NRG2: variants seen among roughly 807,000 people sequenced by gnomAD.
NRG2 encodes pro-neuregulin-2, membrane-bound isoform.
Under a neutral mutation model 73.9 loss-of-function variants are expected in NRG2, and 27 were observed. The ratio of observed to expected loss-of-function variants is 0.37; its 90% CI spans 0.27 to 0.50. NRG2 has a LOEUF of 0.50. Among genes scored for constraint, NRG2 ranks in the 20% least tolerant of loss-of-function variants. The probability of loss-of-function intolerance (pLI) is 0.96; values close to 1 mark genes in which losing one functional copy is unlikely to be tolerated. For synonymous variants in NRG2, 532 were observed against 541.0 expected, an observed-to-expected ratio of 0.98 and a Z score of 0.23; for missense variants, 1,126 against 1,210.1, an observed-to-expected ratio of 0.93 and a Z score of 1.03.
chr5:139,964,150 T>C (rs1755293729), intron 1 of NRG2, among the ~76,000 whole-genome samples: 1 of 152,092 alleles, frequency 6.6e-6, no homozygotes, highest in Admixed American at 6.6e-5. Flanking sequence ...TTCTCTTCCT[T>C]TAGAGCCAAG....
intron 1 of NRG2, among the ~76,000 whole-genome samples, chr5:139,964,392 G>A (rs1462367810): frequency 2.9e-5 from 4 of 137,532 alleles, no homozygotes; most frequent in East Asian, 4.1e-4. Context: ...ACACACACAC[G>A]GATGCCCATT....
chr5:139,938,839 T>A (rs147695695), intron 1 of NRG2, among the ~76,000 whole-genome samples: 39 of 117,600 alleles, frequency 3.3e-4, no homozygotes, highest in African/African-American at 1.2e-3. Flanking sequence ...GACAGTCATA[T>A]ACAGAAAGGG....
intron 1 of NRG2, among the ~76,000 whole-genome samples, chr5:140,005,558 A>G (rs1352953702): frequency 2.0e-5 from 3 of 152,118 alleles, no homozygotes; most frequent in South Asian, 2.1e-4. Context: ...ATACTTTCCA[A>G]TCCCCACAGT....
chr5:140,037,882 T>TG lies in NRG2; in HGVS notation c.700+4487dup, dbSNP rs369936221. On this transcript the variant is annotated intron_variant, in intron 1 of 9. Coordinates refer to ENST00000361474, the MANE Select transcript of NRG2 (RefSeq NM_004883.3). ...GAGAATGTGCCACTGCACTCTAGCC[T>TG]GGGCGACAGAGCAAGACTCCATCTC... 3.3e-3 allele frequency among the ~76,000 whole-genome samples: 403 copies of TG among 123,556 alleles called. 2 individuals carry two copies. The highest frequency in any genetic ancestry group is 0.012 in the African/African-American group (389 of 32,038). 81.1% of individuals were successfully genotyped at this position (123,556 alleles called of 152,430 possible).
intron 1 of NRG2, among the ~76,000 whole-genome samples, chr5:140,009,935 G>A (rs1221679430): frequency 6.6e-6 from 1 of 152,124 alleles, no homozygotes; most frequent in African/African-American, 2.4e-5. Context: ...AAAGATCAGT[G>A]GTTGCCAGGG....
Position 139,851,688 on chromosome 5 carries a change from T to G in NRG2, c.1688A>C (p.Tyr563Ser), listed in dbSNP as rs754535092. 6 of 1,614,052 alleles carry G rather than the reference T, an allele frequency of 3.7e-6. No homozygotes were observed. The highest frequency in any genetic ancestry group is 8.5e-7 in the Non-Finnish European group (1 of 1,180,034). Reference sequence around the variant, plus strand: ...GGCCCTGCGCCGCTCCTCCAGGTTGTAGGCTGCTGCCCGCCTTGCCCGGGC... The same window carrying G: ...GGCCCTGCGCCGCTCCTCCAGGTTGGAGGCTGCTGCCCGCCTTGCCCGGGC... ...VEARARRAAA[Y>S]NLEERRRATA... Residue 563 changes from tyrosine (Y) to serine (S), a missense_variant, in exon 9 of 10, where the codon TAC (tyrosine) becomes TCC (serine). Physicochemically the swap from Tyr to Ser is moderately radical, Grantham distance 144. Transcript: ENST00000361474. This position sits in a 1 kb window ranked among gnomAD's most constrained non-coding sequence, Gnocchi z 4.2.
intron 1 of NRG2, among the ~76,000 whole-genome samples, chr5:139,957,549 C>T (rs931374907): frequency 6.6e-6 from 1 of 152,108 alleles, no homozygotes; most frequent in Non-Finnish European, 1.5e-5. Flanking sequence ...ACTGGGAGTC[C>T]AGTGTTCTTT....
intron 1 of NRG2, among the ~76,000 whole-genome samples, chr5:139,960,515 AAAAC>A (rs1754981959): frequency 6.6e-6 from 1 of 152,200 alleles, no homozygotes; most frequent in Admixed American, 6.5e-5. Flanking sequence ...TCCATCTCAA[AAAAC>A]AAACAAACAA....
chr5:140,024,507 G>A (rs192900523), intron 1 of NRG2, among the ~76,000 whole-genome samples: 2,292 of 152,232 alleles, frequency 0.015, 32 homozygotes, highest in Non-Finnish European at 0.025. Context: ...CGCCCGCCTC[G>A]GCCTCCCAGA....
At chr5:139,905,652 G>A (rs1393575386) in intron 1 of NRG2, among the ~76,000 whole-genome samples, 3 of 150,356 alleles carry the variant, frequency 2.0e-5, no homozygotes, top group African/African-American at 7.4e-5. Flanking sequence ...ATCTTGGGGC[G>A]CAAGTCTGTC....
At chr5:140,027,839 A>G (rs1013169193) in intron 1 of NRG2, among the ~76,000 whole-genome samples, 1 of 152,210 alleles carries the variant, frequency 6.6e-6, no homozygotes, top group Admixed American at 6.5e-5. Context: ...ACAAGTAGGA[A>G]GCAGGCTGAG....
intron 1 of NRG2, among the ~76,000 whole-genome samples, chr5:139,895,368 G>T (rs1764481724): frequency 6.6e-6 from 1 of 152,258 alleles, no homozygotes; most frequent in South Asian, 2.1e-4. Context: ...TGAGGAGGTT[G>T]TCACCTATGT....
chr5:139,892,113 G>A (rs1448183955), intron 1 of NRG2, among the ~76,000 whole-genome samples: 3 of 152,200 alleles, frequency 2.0e-5, no homozygotes, highest in Non-Finnish European at 4.4e-5. Context: ...AGCCAGGGTT[G>A]GGCAAACCTT....
At chr5:139,884,564 G>A (rs1031540583) in intron 2 of NRG2, among the ~76,000 whole-genome samples, 10 of 152,158 alleles carry the variant, frequency 6.6e-5, no homozygotes, top group Non-Finnish European at 1.2e-4. Context: ...ATCATTTCCC[G>A]TCAGACACTC....
chr5:139,954,159 G>A lies in NRG2; in HGVS notation c.701-66648C>T, dbSNP rs889869925. Among the ~76,000 whole-genome samples the A allele has an allele frequency of 4.6e-5, 7 of 152,236 alleles. No individual in the cohort carries two copies. The South Asian group carries it at 6.2e-4, about 14-fold the overall frequency. The stretch of plus-strand genomic sequence containing the variant: ...GGTTCTCTCCCCTTGCCTCCTGCAC[G>A]ATCGTGGCAAGACAACTGCTTCTCA... On this transcript the variant is annotated intron_variant, in intron 1 of 9. Coordinates refer to ENST00000361474, the MANE Select transcript of NRG2 (RefSeq NM_004883.3). The surrounding 1 kb of genome is among the most constrained non-coding windows in gnomAD (Gnocchi z 5.0).
Position 139,853,015 on chromosome 5 carries a change from C to T in NRG2, c.1305G>A (p.Lys435=). ...VAYCKTKKQR[K]QMHNHLRQNM... is the part of the protein sequence containing the mutation. ...TCTGCCGGAGGTGGTTGTGCATCTGCTTCCGCTGTTTTCTGCACAAGGGAA... is the reference window on the plus strand; with the variant it reads ...TCTGCCGGAGGTGGTTGTGCATCTGTTTCCGCTGTTTTCTGCACAAGGGAA... The change falls in exon 7 of 10, where the codon AAG becomes AAA. Residue 435 remains lysine, a synonymous_variant. Transcript: ENST00000361474. The surrounding 1 kb of genome is among the most constrained non-coding windows in gnomAD (Gnocchi z 4.1). 6.2e-7 allele frequency: 1 copy of T among 1,613,510 alleles called. No individual in the cohort carries two copies. The highest frequency in any genetic ancestry group is 1.7e-5 in the Admixed American group (1 of 59,874).
chr5:139,925,447 T>C (rs1751979825), intron 1 of NRG2, among the ~76,000 whole-genome samples: 1 of 152,188 alleles, frequency 6.6e-6, no homozygotes, highest in African/African-American at 2.4e-5. Context: ...CCTAAAGCAC[T>C]AACAATCCCA....
chr5:139,922,977 G>A (rs981025958), intron 1 of NRG2, among the ~76,000 whole-genome samples: 4 of 152,192 alleles, frequency 2.6e-5, no homozygotes, highest in African/African-American at 9.6e-5. Flanking sequence ...GTGAAGCACA[G>A]CGGATTTTTA....
Position 139,853,142 on chromosome 5 carries a change from A to G in NRG2, c.1293-115T>C. The G allele has an allele frequency of 6.3e-6, 9 of 1,421,056 alleles. No individual in the cohort carries two copies. Among genetic ancestry groups the G allele is most frequent in the Non-Finnish European group, 8.7e-6 (9 of 1,035,690 alleles). 88.0% of individuals were successfully genotyped at this position (1,421,056 alleles called of 1,614,324 possible). On this transcript the variant is annotated intron_variant, in intron 6 of 9. Coordinates refer to ENST00000361474, the MANE Select transcript of NRG2 (RefSeq NM_004883.3). The surrounding 1 kb of genome is among the most constrained non-coding windows in gnomAD (Gnocchi z 4.1). ...CCTCCTGCCCAGGGTGGCCATGGCT[A>G]CTGCTCGTCCCTGTACTCAAGCTGC...
Sources: gnomAD v4.1 joint callset for allele counts (sites outside exome capture counted in the v4.1 genomes callset) on GRCh38, gnomAD v4.1.1 for gene constraint, Gnocchi (gnomAD v3.1) non-coding constraint, MANE v1.5 for transcripts, NCBI Gene and HGNC (gene_info 2026-07-23, HGNC 2026-07-21) for gene names.